Variants in FREM1 observed in about 807,000 individuals in gnomAD.
FREM1 encodes FRAS1 related extracellular matrix 1, also known as FRAS1-related extracellular matrix protein 1.
FREM1 carries 220 observed loss-of-function variants against 210.1 expected under a neutral mutation model. The ratio of observed to expected loss-of-function variants is 1.05; its 90% confidence interval spans 0.94 to 1.17. FREM1 has a LOEUF of 1.17. Ranked by LOEUF, FREM1 falls within the 50% of genes most tolerant of loss-of-function variation. The pLI, the probability that FREM1 is intolerant of heterozygous loss-of-function variation, is 0.00. For missense variants in FREM1, 3,454 were observed against 2,675.5 expected, an observed-to-expected ratio of 1.29 and a Z score of -6.42; for synonymous variants, 1,189 against 980.2, an observed-to-expected ratio of 1.21 and a Z score of -3.98.
intron 25 of FREM1, among the ~76,000 whole-genome samples, chr9:14,775,449 T>C (rs1954746636): frequency 6.6e-6 from 1 of 152,114 alleles, no homozygotes; most frequent in African/African-American, 2.4e-5. Flanking sequence ...CTCACGACTG[T>C]AATCCCAGCA....
chr9:14,901,333 G>A (rs1426536429), intron 1 of FREM1, among the ~76,000 whole-genome samples: 2 of 152,142 alleles, frequency 1.3e-5, no homozygotes, highest in Non-Finnish European at 2.9e-5. Flanking sequence ...TTCTATAAGT[G>A]TAATTCCCCT....
chr9:14,786,367 G>A (rs975181867), intron 23 of FREM1, among the ~76,000 whole-genome samples: 2 of 152,110 alleles, frequency 1.3e-5, no homozygotes, highest in African/African-American at 4.8e-5. Context: ...AGAAAAACAC[G>A]TGATGTAAAT....
intron 1 of FREM1, among the ~76,000 whole-genome samples, chr9:14,883,045 A>T (rs923225950): frequency 2.0e-5 from 3 of 152,114 alleles, no homozygotes; most frequent in African/African-American, 7.2e-5. Flanking sequence ...AAATATATCA[A>T]AGAGACAAGA....
chr9:14,798,087 G>A (rs150020113), intron 20 of FREM1, among the ~76,000 whole-genome samples: 68 of 152,020 alleles, frequency 4.5e-4, no homozygotes, highest in African/African-American at 1.6e-3. Flanking sequence ...AAATTCAAGA[G>A]TCTCAGAACA....
intron 1 of FREM1, among the ~76,000 whole-genome samples, chr9:14,908,135 G>A (rs946850549): frequency 2.0e-5 from 3 of 152,258 alleles, no homozygotes; most frequent in South Asian, 2.1e-4. Flanking sequence ...AATATTAAAC[G>A]CCAGAAAATG....
intron 10 of FREM1, 97 bp from the exon 11 acceptor site, chr9:14,825,089 A>T (rs1282072308): frequency 1.3e-6 from 1 of 798,600 alleles, no homozygotes. Flanking sequence ...ATAATTTCTA[A>T]AACTGTCATT....
chr9:14,906,160 T>A (rs574575588), intron 1 of FREM1, among the ~76,000 whole-genome samples: 1 of 152,178 alleles, frequency 6.6e-6, no homozygotes, highest in Admixed American at 6.5e-5. Context: ...TAAACGAACA[T>A]CTAGTGAGGT....
chr9:14,773,549 T>C (rs1023548649), intron 25 of FREM1, among the ~76,000 whole-genome samples: 1 of 151,744 alleles, frequency 6.6e-6, no homozygotes, highest in Non-Finnish European at 1.5e-5. Context: ...CTGAGGGTTC[T>C]GGGGAATTAT....
intron 25 of FREM1, among the ~76,000 whole-genome samples, chr9:14,775,132 A>G (rs1848325357): frequency 1.3e-5 from 2 of 152,210 alleles, no homozygotes. Context: ...AATTCTCACC[A>G]CAATGCTGTA....
intron 7 of FREM1, among the ~76,000 whole-genome samples, chr9:14,847,426 A>AAGGAAGGAAGGAAGGAAGGAAGGAAGGC (rs1206366663): frequency 9.3e-6 from 1 of 107,150 alleles, no homozygotes. Flanking sequence ...GGAAGGAAGG[A>AAGGAAGGAAGGAAGGAAGGAAGGAAGGC]AGGGAGGGAG....
At chr9:14,898,961 T>C (rs1838272128) in intron 1 of FREM1, among the ~76,000 whole-genome samples, 1 of 152,294 alleles carries the variant, frequency 6.6e-6, no homozygotes, top group East Asian at 1.9e-4. Flanking sequence ...ATCACAAAAA[T>C]TAAAGTCTAC....
chr9:14,846,332 G>A (rs780418969), intron 7 of FREM1, among the ~76,000 whole-genome samples: 13 of 152,090 alleles, frequency 8.5e-5, no homozygotes, highest in Non-Finnish European at 1.3e-4. Context: ...ACACAGGGAG[G>A]GGAACATCAC....
At chr9:14,822,553 T>G (rs906421711) in intron 13 of FREM1, among the ~76,000 whole-genome samples, 1 of 152,188 alleles carries the variant, frequency 6.6e-6, no homozygotes, top group African/African-American at 2.4e-5. Context: ...TAATTAAGCC[T>G]AGCATTGTGA....
In FREM1 at chr9:14,855,935, A is replaced by C. The variant is rs140310002; in HGVS notation, c.828+1618T>G. 2.3e-3 allele frequency among the ~76,000 whole-genome samples: 346 copies of C among 152,320 alleles called. 1 individual carries two copies. The highest frequency in any genetic ancestry group is 7.8e-3 in the African/African-American group (324 of 41,582). On this transcript the variant is annotated intron_variant, in intron 5 of 36. Coordinates refer to ENST00000380880, the MANE Select transcript of FREM1 (RefSeq NM_001379081.2). ...AGTGAAAGGAGTTTTGTGTTAAAAC[A>C]AACAGAAAACATCTATTAGTTGTCT...
intron 30 of FREM1, among the ~76,000 whole-genome samples, chr9:14,749,627 G>A (rs947321933): frequency 2.0e-5 from 3 of 152,154 alleles, no homozygotes; most frequent in African/African-American, 7.2e-5. Flanking sequence ...CCTGTTTGGC[G>A]CTGCCATCCA....
intron 1 of FREM1, among the ~76,000 whole-genome samples, chr9:14,874,461 T>C (rs1833314530): frequency 6.7e-6 from 1 of 150,318 alleles, no homozygotes; most frequent in Non-Finnish European, 1.5e-5. Context: ...TGGTTTAAAG[T>C]CTGTTTTATC....
chr9:14,819,835 T>A (rs945421717), intron 13 of FREM1, among the ~76,000 whole-genome samples: 1 of 152,176 alleles, frequency 6.6e-6, no homozygotes, highest in African/African-American at 2.4e-5. Context: ...ATACACAAAA[T>A]CTATGTCAAA....
intron 1 of FREM1, among the ~76,000 whole-genome samples, chr9:14,873,154 G>C (rs901069015): frequency 6.6e-6 from 1 of 152,054 alleles, no homozygotes; most frequent in Admixed American, 6.6e-5. Flanking sequence ...TCTCTGCCAG[G>C]CTTTGGTATC....
At chr9:14,769,635 C>T in intron 27 of FREM1, 89 bp downstream of exon 27, 1 of 1,317,924 alleles carries the variant, frequency 7.6e-7, no homozygotes, top group Non-Finnish European at 1.0e-6. Context: ...TTCTTGGGTT[C>T]TGTTTTAAAA....
Sources: gnomAD v4.1 joint callset for allele counts (sites outside exome capture counted in the v4.1 genomes callset) on GRCh38, gnomAD v4.1.1 for gene constraint, MANE v1.5 for transcripts, NCBI Gene and HGNC (gene_info 2026-07-23, HGNC 2026-07-21) for gene names.